FKBP3: variants seen among roughly 807,000 people sequenced by gnomAD.
FKBP3 encodes FKBP prolyl isomerase 3, also known as peptidyl-prolyl cis-trans isomerase FKBP3.
A neutral mutation model predicts 30.6 loss-of-function variants in FKBP3; 21 were observed. That is an observed-to-expected ratio of 0.69 (90% CI 0.49 to 0.99). The LOEUF (loss-of-function observed/expected upper bound fraction) is 0.99, where lower values mean the gene tolerates loss of function less well. Among genes scored for constraint, FKBP3 ranks in the 50% least tolerant of loss-of-function variants. The pLI, the probability that FKBP3 is intolerant of heterozygous loss-of-function variation, is 0.00. For synonymous variants in FKBP3, 82 were observed against 91.3 expected, an observed-to-expected ratio of 0.90 and a Z score of 0.58; for missense variants, 283 against 261.6, an observed-to-expected ratio of 1.08 and a Z score of -0.56.
In FKBP3 at chr14:45,134,338, G is replaced by A. The variant is rs367659655; in HGVS notation, c.108+11C>T. ...GCCGCACCAGCCCGGCCGCCCCTAC[G>A]CCTCTGGTACCGAATCTGAACCGTG... On this transcript the variant is annotated intron_variant, in intron 1 of 6. Transcript: ENST00000396062. 2 of 1,605,732 alleles carry A rather than the reference G, an allele frequency of 1.2e-6. No individual in the cohort carries two copies. The highest frequency in any genetic ancestry group is 4.5e-5 in the East Asian group (2 of 44,766).
At chr14:45,124,953 G>T (rs1296059270) in intron 3 of FKBP3, among the ~76,000 whole-genome samples, 1 of 152,200 alleles carries the variant, frequency 6.6e-6, no homozygotes, top group Non-Finnish European at 1.5e-5. Context: ...GTCTCACTCT[G>T]TTGCCCAGGC....
At chr14:45,122,527 A>T (rs1885007749) in intron 3 of FKBP3, among the ~76,000 whole-genome samples, 1 of 151,818 alleles carries the variant, frequency 6.6e-6, no homozygotes, top group Non-Finnish European at 1.5e-5. Flanking sequence ...TCTGAGATGG[A>T]GTCTCACTCT....
intron 6 of FKBP3, among the ~76,000 whole-genome samples, chr14:45,117,189 T>C (rs111329832): frequency 0.093 from 14,137 of 152,170 alleles, 838 homozygotes; most frequent in African/African-American, 0.16. Flanking sequence ...CCAGGCTGGT[T>C]TTGAACTCCT....
At chr14:45,129,103 C>T (rs1030550356) in intron 3 of FKBP3, among the ~76,000 whole-genome samples, 2 of 152,140 alleles carry the variant, frequency 1.3e-5, no homozygotes, top group African/African-American at 4.8e-5. Flanking sequence ...CACAAATACC[C>T]AAAAGCTACA....
chr14:45,127,906 G>A (rs1885134958), intron 3 of FKBP3, among the ~76,000 whole-genome samples: 1 of 152,176 alleles, frequency 6.6e-6, no homozygotes, highest in Admixed American at 6.5e-5. Flanking sequence ...AAAGGAAGAT[G>A]TTTGAGAGCA....
Position 45,127,115 on chromosome 14 carries a change from C to CTTTTTTTTTTTTTTTT in FKBP3, c.318+2678_318+2679insAAAAAAAAAAAAAAAA, listed in dbSNP as rs1231283034. ...AGCCACTGTACCTGACTGACCCTGT[C>CTTTTTTTTTTTTTTTT]TTTTTTTTTTTTTTTGAGACAGAGT... On this transcript the variant is annotated intron_variant, in intron 3 of 6. Transcript: ENST00000396062. 1.1e-4 allele frequency among the ~76,000 whole-genome samples: 13 copies of CTTTTTTTTTTTTTTTT among 120,666 alleles called. No individual in the cohort carries two copies. In the South Asian group the frequency reaches 2.4e-3, roughly 22 times the overall value. 79.2% of individuals were successfully genotyped at this position (120,666 alleles called of 152,430 possible).
intron 5 of FKBP3, 133 bp downstream of exon 5, chr14:45,120,754 G>A (rs1481209511): frequency 1.4e-6 from 1 of 700,942 alleles, no homozygotes; most frequent in African/African-American, 1.8e-5. Context: ...AGCTAACAAT[G>A]ATTATACCCA....
chr14:45,115,661 A>G lies in FKBP3; in HGVS notation c.*537T>C, dbSNP rs1884815732. The G allele has an allele frequency of 6.6e-6, 1 of 152,638 alleles. No individual in the cohort carries two copies. The highest frequency in any genetic ancestry group is 6.5e-5 in the Admixed American group (1 of 15,296). 9.5% of individuals were successfully genotyped at this position (152,638 alleles called of 1,614,324 possible). ...TAATATTAACCTTATGTTCACCTTT[A>G]TTAGTGGCTCATTGGTTTTGAAGTA... On this transcript the variant is annotated 3_prime_UTR_variant, in exon 7 of 7. Coordinates refer to ENST00000396062, the MANE Select transcript of FKBP3 (RefSeq NM_002013.4).
At chr14:45,134,164 T>C (rs1885306265) in intron 1 of FKBP3, among the ~76,000 whole-genome samples, 185 bp downstream of exon 1, 1 of 152,144 alleles carries the variant, frequency 6.6e-6, no homozygotes, top group Admixed American at 6.5e-5. Flanking sequence ...CCTGCCCCAG[T>C]AGAGAACGCC....
At chr14:45,117,895 A>G (rs1044519990) in intron 6 of FKBP3, 133 bp downstream of exon 6, 2 of 669,440 alleles carry the variant, frequency 3.0e-6, no homozygotes, top group Admixed American at 2.8e-5. Context: ...ATAAGCATCT[A>G]AAGATCAGGA....
At position 45,127,115 on chromosome 14, in the gene FKBP3, C is replaced by CTTTTTTTTTTTTTTTTTTTTTTT. The variant is rs1231283034; in HGVS notation, c.318+2678_318+2679insAAAAAAAAAAAAAAAAAAAAAAA. ...AGCCACTGTACCTGACTGACCCTGT[C>CTTTTTTTTTTTTTTTTTTTTTTT]TTTTTTTTTTTTTTTGAGACAGAGT... is the stretch of plus-strand genomic sequence containing the variant. On this transcript the variant is annotated intron_variant, in intron 3 of 6. Coordinates refer to ENST00000396062, the MANE Select transcript of FKBP3 (RefSeq NM_002013.4). Among the ~76,000 whole-genome samples, 255 of 120,610 alleles carry CTTTTTTTTTTTTTTTTTTTTTTT rather than the reference C, an allele frequency of 2.1e-3. 12 individuals are homozygous for CTTTTTTTTTTTTTTTTTTTTTTT. Among genetic ancestry groups the CTTTTTTTTTTTTTTTTTTTTTTT allele is most frequent in the African/African-American group, 4.3e-3 (117 of 26,956 alleles). The allele number at this position is 120,610 out of a possible 152,430, so 79.1% of individuals were successfully genotyped here.
chr14:45,134,235 G>A (rs565768916), intron 1 of FKBP3, 114 bp downstream of exon 1: 3 of 906,892 alleles, frequency 3.3e-6, no homozygotes, highest in East Asian at 5.2e-5. Flanking sequence ...CCAGGCCACC[G>A]GCCGCGGGAA....
At chr14:45,132,341 T>C (rs1885235416) in intron 1 of FKBP3, among the ~76,000 whole-genome samples, 2 of 152,190 alleles carry the variant, frequency 1.3e-5, no homozygotes, top group South Asian at 4.1e-4. Flanking sequence ...TGATATCTTA[T>C]GATTAATAAA....
chr14:45,122,695 C>T (rs563317261), intron 3 of FKBP3, among the ~76,000 whole-genome samples: 3 of 151,704 alleles, frequency 2.0e-5, no homozygotes, highest in South Asian at 2.1e-4. Flanking sequence ...AGTAGAGACA[C>T]GGTTTCACCA....
At chr14:45,131,399 A>C (rs1258816247) in intron 1 of FKBP3, 2 of 152,124 alleles carry the variant, frequency 1.3e-5, no homozygotes, top group African/African-American at 4.8e-5. Context: ...TGGGAGGCTG[A>C]GGCAGGCGGA....
In FKBP3 at chr14:45,121,612, T is replaced by C; in HGVS notation, c.327A>G (p.Pro109=). The stretch of plus-strand genomic sequence containing the variant: ...TTTTCAGAACAGATTTAGTATATTT[T>C]GGTGGACCCTAAAAACAAAAAACAA... The part of the protein sequence containing the change: ...KSEETLDEGP[P]KYTKSVLKKG... Residue 109 remains proline (P), a synonymous_variant, in exon 4 of 7, where the codon CCA becomes CCG. Coordinates refer to ENST00000396062, the MANE Select transcript of FKBP3 (RefSeq NM_002013.4). The C allele has an allele frequency of 6.2e-7, 1 of 1,613,228 alleles. No homozygotes were observed. The highest frequency in any genetic ancestry group is 8.5e-7 in the Non-Finnish European group (1 of 1,179,674).
At chr14:45,119,544 G>A (rs1373468539) in intron 5 of FKBP3, among the ~76,000 whole-genome samples, 2 of 151,628 alleles carry the variant, frequency 1.3e-5, no homozygotes, top group East Asian at 1.9e-4. Context: ...ACTCCAGCCT[G>A]GACAACAAGA....
intron 6 of FKBP3, among the ~76,000 whole-genome samples, chr14:45,117,550 T>C (rs1040121598): frequency 6.6e-6 from 1 of 152,140 alleles, no homozygotes; most frequent in African/African-American, 2.4e-5. Context: ...TAATAAATGC[T>C]TACACTAACA....
intron 6 of FKBP3, among the ~76,000 whole-genome samples, chr14:45,117,765 T>C (rs1434896025): frequency 6.6e-6 from 1 of 152,240 alleles, no homozygotes; most frequent in African/African-American, 2.4e-5. Context: ...CTGTTTAAGC[T>C]TAAACTTCAC....
Sources: allele counts gnomAD v4.1 joint callset (sites outside exome capture counted in the v4.1 genomes callset), GRCh38; gene constraint gnomAD v4.1.1; transcripts MANE v1.5; gene names NCBI Gene and HGNC (gene_info 2026-07-23, HGNC 2026-07-21).